The following OTUD4 variants were observed in gnomAD, a reference collection of about 807,000 sequenced individuals.
OTUD4 encodes the protein OTU domain-containing protein 4.
Under a neutral mutation model 130.4 loss-of-function variants are expected in OTUD4, and 24 were observed. That is an observed-to-expected ratio of 0.18 (90% CI 0.13 to 0.26). OTUD4 has a LOEUF of 0.26. Among genes scored for constraint, OTUD4 ranks in the 10% least tolerant of loss-of-function variants. The probability of loss-of-function intolerance (pLI) is 1.00; values close to 1 mark genes in which losing one functional copy is unlikely to be tolerated. For synonymous variants in OTUD4, 420 were observed against 472.5 expected (o/e 0.89, Z 1.44); for missense variants, 1,031 against 1,329.4 (o/e 0.78, Z 3.49).
chr4:145,144,111 T>A (rs1163308722), intron 15 of OTUD4, 110 bp from the exon 16 acceptor site: 2 of 1,084,324 alleles, frequency 1.8e-6, no homozygotes, highest in African/African-American at 3.2e-5. Flanking sequence ...TGAACCATGT[T>A]TAGTCAGTGA....
At chr4:145,172,959 C>A (rs1280625215) in intron 2 of OTUD4, among the ~76,000 whole-genome samples, 1 of 152,170 alleles carries the variant, frequency 6.6e-6, no homozygotes, top group Non-Finnish European at 1.5e-5. Context: ...CATGGCTGAA[C>A]AATGTCAGTA....
intron 2 of OTUD4, among the ~76,000 whole-genome samples, chr4:145,173,624 T>A (rs1166070739): frequency 2.6e-5 from 4 of 152,184 alleles, no homozygotes; most frequent in South Asian, 4.1e-4. Context: ...CAGGTTTTTT[T>A]AATAAAACAA....
intron 10 of OTUD4, among the ~76,000 whole-genome samples, chr4:145,153,348 A>C (rs1014335870): frequency 6.6e-6 from 1 of 152,182 alleles, no homozygotes; most frequent in South Asian, 2.1e-4. Context: ...CTTGCCAGCA[A>C]TATGACCTTG....
At chr4:145,167,695 A>G (rs981336014) in intron 3 of OTUD4, among the ~76,000 whole-genome samples, 2 of 151,716 alleles carry the variant, frequency 1.3e-5, no homozygotes, top group African/African-American at 4.9e-5. Context: ...CATCTCTACT[A>G]AAAAATACAA....
In OTUD4 at chr4:145,150,924, T is replaced by G. The variant is rs1751038374; in HGVS notation, c.969-19A>C. On this transcript the variant is annotated intron_variant, in intron 11 of 20. Transcript: ENST00000447906. ...TGTGTGCCTTCAAAGGGGAAAAGAC[T>G]TGTGATAGCTTAAAATACCCTAGTA... The G allele has an allele frequency of 2.7e-6, 4 of 1,498,040 alleles. No individual in the cohort carries two copies. The allele number at this position is 1,498,040 out of a possible 1,614,324, so 92.8% of individuals were successfully genotyped here. A position where few individuals can be genotyped will look rare whatever the true frequency, so the allele number is the denominator to read the frequency against.
At chr4:145,169,229 T>C (rs1752031622) in intron 3 of OTUD4, among the ~76,000 whole-genome samples, 1 of 152,238 alleles carries the variant, frequency 6.6e-6, no homozygotes, top group African/African-American at 2.4e-5. Flanking sequence ...CATGAGCATA[T>C]ACACTTGTCA....
chr4:145,158,355 G>A (rs942691681), intron 7 of OTUD4, among the ~76,000 whole-genome samples: 3 of 151,958 alleles, frequency 2.0e-5, no homozygotes, highest in Admixed American at 6.6e-5. Flanking sequence ...GGTGGCGGGC[G>A]CCTGTAGTCC....
Position 145,137,122 on chromosome 4 carries a change from A to G in OTUD4, c.*308T>C. Reference sequence around the variant, plus strand: ...CTTATAAGGAAAAAAGCCAAACACTAAATCTATAATGTTTTATATTAAGCT... The same window carrying G: ...CTTATAAGGAAAAAAGCCAAACACTGAATCTATAATGTTTTATATTAAGCT... On this transcript the variant is annotated 3_prime_UTR_variant, in exon 21 of 21. Coordinates refer to ENST00000447906, the MANE Select transcript of OTUD4 (RefSeq NM_001366057.1). The G allele has an allele frequency of 4.5e-6, 1 of 223,296 alleles. No homozygotes were observed. The highest frequency in any genetic ancestry group is 8.8e-6 in the Non-Finnish European group (1 of 114,258). 13.8% of individuals were successfully genotyped at this position (223,296 alleles called of 1,614,324 possible). A position where few individuals can be genotyped will look rare whatever the true frequency, so the allele number is the denominator to read the frequency against.
chr4:145,179,780 T>G, intron 1 of OTUD4, 35 bp downstream of exon 1: 38 of 315,368 alleles, frequency 1.2e-4, no homozygotes, highest in Non-Finnish European at 1.6e-4. Context: ...CGTCCCCGCC[T>G]CCCCTCGAAG....
rs1751248373 is a variant in OTUD4 at position 145,155,632 on chromosome 4, TAAG to T, written c.742_744del (p.Leu248del). 1 of 1,613,212 alleles carries T rather than the reference TAAG, an allele frequency of 6.2e-7. No individual in the cohort carries two copies. On this transcript the variant is annotated inframe_deletion, in exon 9 of 21. Coordinates refer to ENST00000447906, the MANE Select transcript of OTUD4 (RefSeq NM_001366057.1). ...CTATAGACTGCAGGATTGAGTGACT[TAAG>T]AACCTTTCTAGACAAAGGCAGGCTA...
intron 3 of OTUD4, among the ~76,000 whole-genome samples, chr4:145,168,233 T>C (rs1226673451): frequency 6.6e-6 from 1 of 151,734 alleles, no homozygotes; most frequent in Non-Finnish European, 1.5e-5. Flanking sequence ...AAAGACATTG[T>C]TAAGAAAATG....
chr4:145,138,783 A>T, intron 20 of OTUD4, 133 bp from the exon 21 acceptor site: 1 of 700,146 alleles, frequency 1.4e-6, no homozygotes, highest in Non-Finnish European at 2.3e-6. Flanking sequence ...TATAGTCCAA[A>T]TACTAAATCA....
rs768355646 is a variant in OTUD4 at position 145,137,695 on chromosome 4, T to C, written c.3080A>G (p.Glu1027Gly). The C allele has an allele frequency of 6.2e-7, 1 of 1,614,136 alleles. No individual in the cohort carries two copies. Reference protein sequence around the residue: ...QRPKEESSEDENEVSNILRSG... With the variant: ...QRPKEESSEDGNEVSNILRSG... The stretch of plus-strand genomic sequence containing the variant: ...TCTCAAAATATTAGACACTTCATTT[T>C]CATCTTCTGAACTCTCTTCTTTTGG... The change falls in exon 21 of 21, where the codon GAA becomes GGA. Residue 1027 changes from glutamate (E) to glycine (G), a missense_variant. Coordinates refer to ENST00000447906, the MANE Select transcript of OTUD4 (RefSeq NM_001366057.1).
At position 145,137,395 on chromosome 4, in the gene OTUD4, A is replaced by T; in HGVS notation, c.*35T>A. ...AAAGCCTTCAGAAACATTCCACCTA[A>T]GAGTTTCTGTTAGAAAATACTTCGG... On this transcript the variant is annotated 3_prime_UTR_variant, in exon 21 of 21. Coordinates refer to ENST00000447906, the MANE Select transcript of OTUD4 (RefSeq NM_001366057.1). 6.5e-7 allele frequency: 1 copy of T among 1,536,972 alleles called. No individual in the cohort carries two copies. Among genetic ancestry groups the T allele is most frequent in the East Asian group, 2.3e-5 (1 of 44,202 alleles).
intron 6 of OTUD4, among the ~76,000 whole-genome samples, 178 bp from the exon 7 acceptor site, chr4:145,159,813 A>G (rs1751468901): frequency 6.6e-6 from 1 of 152,234 alleles, no homozygotes; most frequent in African/African-American, 2.4e-5. Flanking sequence ...GGGTACAGCT[A>G]AAATTTCTGT....
rs1751017215 is a variant in OTUD4, at chr4:145,150,503, A to G, written c.1259+10T>C. 4 of 1,572,276 alleles carry G rather than the reference A, an allele frequency of 2.5e-6. No homozygotes were observed. Among genetic ancestry groups the G allele is most frequent in the Non-Finnish European group, 3.5e-6 (4 of 1,145,578 alleles). ...GATTTCTATACTTCTCTTACATTCA[A>G]GAAGGTTACCTTATGATCTGTGAAG... On this transcript the variant is annotated intron_variant, in intron 13 of 20. Coordinates refer to ENST00000447906, the MANE Select transcript of OTUD4 (RefSeq NM_001366057.1).
At chr4:145,155,516 T>A in intron 9 of OTUD4, 41 bp from the exon 10 acceptor site, 1 of 1,599,058 alleles carries the variant, frequency 6.3e-7, no homozygotes, top group East Asian at 2.2e-5. Flanking sequence ...AAAGTTGACT[T>A]ATTTTCAAGT....
chr4:145,171,398 C>A, intron 3 of OTUD4: 1 of 289,342 alleles, frequency 3.5e-6, no homozygotes. Context: ...TGAAAATCAT[C>A]ACCCCAGTAT....
chr4:145,142,145 C>A, intron 18 of OTUD4, 51 bp downstream of exon 18: 1 of 1,548,684 alleles, frequency 6.5e-7, no homozygotes, highest in South Asian at 1.2e-5. Flanking sequence ...TTTGAAGTCT[C>A]TGACTAGAAA....
Sources: allele counts gnomAD v4.1 joint callset (sites outside exome capture counted in the v4.1 genomes callset), GRCh38; gene constraint gnomAD v4.1.1; transcripts MANE v1.5; gene names NCBI Gene and HGNC (gene_info 2026-07-23, HGNC 2026-07-21).